Variants in MOXD1 observed in about 807,000 individuals in gnomAD.
MOXD1 encodes DBH-like monooxygenase protein 1.
Under a neutral mutation model 66.6 loss-of-function variants are expected in MOXD1, and 62 were observed. The ratio of observed to expected loss-of-function variants is 0.93; its 90% confidence interval spans 0.76 to 1.15. MOXD1 has a LOEUF of 1.15. Ranked by LOEUF, MOXD1 falls within the 50% of genes most tolerant of loss-of-function variation. MOXD1 has a pLI of 0.00. For synonymous variants in MOXD1, 303 were observed against 281.9 expected (o/e 1.07, Z -0.75); for missense variants, 847 against 754.6 (o/e 1.12, Z -1.44).
chr6:132,372,876 C>T lies in MOXD1; in HGVS notation c.533G>A (p.Ser178Asn). The T allele has an allele frequency of 1.9e-6, 3 of 1,614,060 alleles. No individual in the cohort carries two copies. In the South Asian group the frequency reaches 3.3e-5, roughly 18 times the overall value. Reference protein sequence around the residue: ...SLRLLNPEKTSVLSTALPYFD... With the variant: ...SLRLLNPEKTNVLSTALPYFD... The stretch of plus-strand genomic sequence containing the variant: ...GTATGGTAAGGCTGTAGATAGCACA[C>T]TAGTTTTCTCAGGATTCAATAACCG... Residue 178 changes from serine to asparagine, a missense_variant, in exon 3 of 12, where the codon AGT becomes AAT. By Grantham distance (46) the Ser-to-Asn change is conservative. Coordinates refer to ENST00000367963, the MANE Select transcript of MOXD1 (RefSeq NM_015529.4).
chr6:132,321,263 CA>C (rs572511482), intron 8 of MOXD1, among the ~76,000 whole-genome samples: 15 of 145,598 alleles, frequency 1.0e-4, no homozygotes, highest in Non-Finnish European at 1.2e-4. Flanking sequence ...GACTCCATCT[CA>C]AAAAAAAAAA....
intron 9 of MOXD1, among the ~76,000 whole-genome samples, chr6:132,316,369 G>T (rs115081388): frequency 0.014 from 2,116 of 152,196 alleles, 59 homozygotes; most frequent in African/African-American, 0.048. Flanking sequence ...AGAAAAGTCA[G>T]TAGAAATGGA....
At chr6:132,355,282 G>A (rs1326875259) in intron 4 of MOXD1, among the ~76,000 whole-genome samples, 1 of 152,110 alleles carries the variant, frequency 6.6e-6, no homozygotes, top group Non-Finnish European at 1.5e-5. Flanking sequence ...GTACCAAGCA[G>A]GGATGGCATG....
At chr6:132,339,495 C>G (rs564958921) in intron 4 of MOXD1, among the ~76,000 whole-genome samples, 71 of 152,288 alleles carry the variant, frequency 4.7e-4, no homozygotes, top group African/African-American at 1.6e-3. Context: ...AATTCTAGAA[C>G]AGTAGAGAAG....
At chr6:132,381,049 C>A (rs888289737) in intron 1 of MOXD1, among the ~76,000 whole-genome samples, 3 of 152,244 alleles carry the variant, frequency 2.0e-5, no homozygotes, top group South Asian at 2.1e-4. Flanking sequence ...AAAAATAGAT[C>A]TAAGAGGGAG....
chr6:132,357,358 T>C (rs933536160), intron 4 of MOXD1, among the ~76,000 whole-genome samples: 1 of 152,108 alleles, frequency 6.6e-6, no homozygotes. Context: ...AAGAACTTAG[T>C]TCTCTAACCT....
intron 4 of MOXD1, among the ~76,000 whole-genome samples, chr6:132,356,087 G>C (rs1353296415): frequency 1.3e-5 from 2 of 152,176 alleles, no homozygotes; most frequent in Non-Finnish European, 2.9e-5. Flanking sequence ...GGGACAGACA[G>C]TACCTGGGAG....
At chr6:132,303,835 G>GTA (rs1158339059) in intron 10 of MOXD1, among the ~76,000 whole-genome samples, 2,253 of 47,402 alleles carry the variant, frequency 0.048, 95 homozygotes, top group Admixed American at 0.07. Context: ...GTGTGTGTGT[G>GTA]TATATATATA....
chr6:132,348,918 T>C (rs563591000), intron 4 of MOXD1, among the ~76,000 whole-genome samples: 1 of 152,186 alleles, frequency 6.6e-6, no homozygotes, highest in South Asian at 2.1e-4. Flanking sequence ...GCCAAGTCTT[T>C]CATCTTCTAC....
intron 1 of MOXD1, 74 bp downstream of exon 1, chr6:132,401,089 C>G (rs890836688): frequency 7.2e-7 from 1 of 1,390,560 alleles, no homozygotes. Context: ...GGGGACGACC[C>G]GCACCTGCGC....
chr6:132,345,914 T>TG (rs1308857208), intron 4 of MOXD1, among the ~76,000 whole-genome samples: 2 of 152,106 alleles, frequency 1.3e-5, no homozygotes, highest in Non-Finnish European at 2.9e-5. Context: ...CATCTCCTGA[T>TG]GGGGGGATCC....
At chr6:132,387,834 ATCC>A (rs1776684357) in intron 1 of MOXD1, among the ~76,000 whole-genome samples, 2 of 150,534 alleles carry the variant, frequency 1.3e-5, no homozygotes, top group Non-Finnish European at 3.0e-5. Flanking sequence ...TTATTAGTGC[ATCC>A]TCTACAAGGA....
At chr6:132,299,892 CT>C (rs1774493169) in intron 10 of MOXD1, among the ~76,000 whole-genome samples, 23 of 142,562 alleles carry the variant, frequency 1.6e-4, no homozygotes, top group Non-Finnish European at 1.6e-4. Context: ...CTCTCTCCCT[CT>C]CTCTCTCTCT....
At chr6:132,366,984 C>T (rs1363976707) in intron 4 of MOXD1, among the ~76,000 whole-genome samples, 3 of 151,966 alleles carry the variant, frequency 2.0e-5, no homozygotes, top group Non-Finnish European at 2.9e-5. Flanking sequence ...TTTATGAGTG[C>T]TACCAATAGA....
chr6:132,302,027 C>T (rs1774551871), intron 10 of MOXD1, among the ~76,000 whole-genome samples: 1 of 152,146 alleles, frequency 6.6e-6, no homozygotes, highest in Non-Finnish European at 1.5e-5. Flanking sequence ...AAGAAGCTTA[C>T]ATATTCAAGG....
intron 4 of MOXD1, among the ~76,000 whole-genome samples, chr6:132,344,121 A>G (rs1312868280): frequency 6.6e-6 from 1 of 152,212 alleles, no homozygotes; most frequent in Non-Finnish European, 1.5e-5. Flanking sequence ...GTGACACTTG[A>G]GTAGTATTAA....
At chr6:132,376,410 T>C (rs1373078588) in intron 1 of MOXD1, among the ~76,000 whole-genome samples, 1 of 152,102 alleles carries the variant, frequency 6.6e-6, no homozygotes, top group Non-Finnish European at 1.5e-5. Context: ...GTACCACATC[T>C]AGATTTTCTT....
At chr6:132,305,778 G>T (rs1383698255) in intron 10 of MOXD1, among the ~76,000 whole-genome samples, 1 of 152,138 alleles carries the variant, frequency 6.6e-6, no homozygotes, top group Non-Finnish European at 1.5e-5. Context: ...GGACCTGACT[G>T]TTGAAAGAAA....
intron 4 of MOXD1, among the ~76,000 whole-genome samples, chr6:132,354,218 T>A (rs1775864109): frequency 6.6e-6 from 1 of 152,178 alleles, no homozygotes; most frequent in South Asian, 2.1e-4. Context: ...TTTGGGGGTG[T>A]TAAAGAGCCT....
Sources: allele counts gnomAD v4.1 joint callset (sites outside exome capture counted in the v4.1 genomes callset), GRCh38; gene constraint gnomAD v4.1.1; transcripts MANE v1.5; gene names NCBI Gene and HGNC (gene_info 2026-07-23, HGNC 2026-07-21).